The following AUH variants were observed in gnomAD, a reference collection of about 807,000 sequenced individuals.
The protein encoded by AUH is methylglutaconyl-CoA hydratase, mitochondrial.
In AUH, 29 loss-of-function variants were observed where a neutral mutation model predicts 42.3. That is an observed-to-expected ratio of 0.69 (90% CI 0.51 to 0.93). The LOEUF (loss-of-function observed/expected upper bound fraction) is 0.93, where lower values mean the gene tolerates loss of function less well. AUH is among the 40% of genes least tolerant of loss of function. The pLI is 0.00. For missense variants in AUH, 452 were observed against 438.1 expected, an observed-to-expected ratio of 1.03 and a Z score of -0.28; for synonymous variants, 174 against 166.4, an observed-to-expected ratio of 1.05 and a Z score of -0.35.
intron 5 of AUH, among the ~76,000 whole-genome samples, chr9:91,297,211 T>C (rs1487937841): frequency 6.6e-6 from 1 of 152,216 alleles, no homozygotes; most frequent in African/African-American, 2.4e-5. Context: ...GGGGCTTCTC[T>C]CCCTTCTCCA....
chr9:91,220,667 GT>G, intron 7 of AUH, 137 bp downstream of exon 7: 1 of 835,778 alleles, frequency 1.2e-6, no homozygotes, highest in Non-Finnish European at 1.9e-6. Flanking sequence ...AACTGCTCTA[GT>G]TTTACAGAGC....
chr9:91,221,664 G>A (rs987493381), intron 6 of AUH, among the ~76,000 whole-genome samples: 4 of 152,138 alleles, frequency 2.6e-5, no homozygotes, highest in Non-Finnish European at 4.4e-5. Context: ...TGGTTTTGAC[G>A]TTGTCACTTA....
chr9:91,275,559 T>C (rs1457349073), intron 6 of AUH, among the ~76,000 whole-genome samples: 1 of 152,188 alleles, frequency 6.6e-6, no homozygotes, highest in Non-Finnish European at 1.5e-5. Context: ...GATAATTAAA[T>C]AAGTGTTCTC....
intron 1 of AUH, chr9:91,357,403 T>G: frequency 1.3e-6 from 1 of 742,682 alleles, no homozygotes; most frequent in Non-Finnish European, 1.6e-6. Context: ...GTTACACTGT[T>G]CAAGCTTCAG....
chr9:91,343,948 T>C (rs1028120888), intron 3 of AUH, among the ~76,000 whole-genome samples: 7 of 152,310 alleles, frequency 4.6e-5, no homozygotes, highest in South Asian at 2.1e-4. Flanking sequence ...AACTGACTGA[T>C]GGACCCTCCC....
intron 3 of AUH, among the ~76,000 whole-genome samples, chr9:91,351,940 T>C (rs546402275): frequency 1.6e-4 from 25 of 152,278 alleles, no homozygotes; most frequent in African/African-American, 5.8e-4. Flanking sequence ...TAAGTATTTA[T>C]ATGTACCTAA....
chr9:91,240,455 A>C (rs1828449537), intron 6 of AUH, among the ~76,000 whole-genome samples: 2 of 152,092 alleles, frequency 1.3e-5, no homozygotes, highest in African/African-American at 2.4e-5. Flanking sequence ...TTCAGCGTGG[A>C]TCTTGAACAG....
Position 91,361,871 on chromosome 9 carries a change from C to G in AUH, c.19G>C (p.Ala7Pro). MAAAVA[A>P]APGALGSLHA... Reference sequence around the variant, plus strand: ...AGGGATCCCAAGGCCCCAGGTGCCGCCGCCACCGCGGCCGCCATGTTGTCT... The same window carrying G: ...AGGGATCCCAAGGCCCCAGGTGCCGGCGCCACCGCGGCCGCCATGTTGTCT... Residue 7 changes from alanine (A) to proline (P), a missense_variant, in exon 1 of 10, where the codon GCG becomes CCG. Coordinates refer to ENST00000375731, the MANE Select transcript of AUH (RefSeq NM_001698.3). The G allele has an allele frequency of 6.8e-7, 1 of 1,469,540 alleles. No individual in the cohort carries two copies. The highest frequency in any genetic ancestry group is 1.3e-5 in the South Asian group (1 of 76,690). The allele number at this position is 1,469,540 out of a possible 1,614,324, so 91.0% of individuals were successfully genotyped here.
chr9:91,274,071 C>T (rs555257532), intron 6 of AUH, among the ~76,000 whole-genome samples: 41 of 152,076 alleles, frequency 2.7e-4, no homozygotes, highest in Non-Finnish European at 4.1e-4. Context: ...TGAAACTGTG[C>T]CTATTGAAAA....
intron 8 of AUH, 88 bp downstream of exon 8, chr9:91,217,187 TAA>T: frequency 1.5e-6 from 2 of 1,374,818 alleles, no homozygotes; most frequent in Non-Finnish European, 2.0e-6. Context: ...TTTAGAACTT[TAA>T]AAAAAATGTA....
chr9:91,238,570 A>T (rs545319896), intron 6 of AUH, among the ~76,000 whole-genome samples: 3 of 152,274 alleles, frequency 2.0e-5, no homozygotes, highest in Non-Finnish European at 4.4e-5. Context: ...AACTGTTTTC[A>T]TCATGCAACA....
intron 6 of AUH, among the ~76,000 whole-genome samples, chr9:91,227,352 T>C (rs1827568029): frequency 8.2e-6 from 1 of 122,406 alleles, no homozygotes; most frequent in Non-Finnish European, 1.8e-5. Context: ...GGCTCTCTGT[T>C]TGTCTGTTGT....
intron 3 of AUH, among the ~76,000 whole-genome samples, chr9:91,327,738 C>G (rs1830054836): frequency 2.0e-5 from 3 of 152,216 alleles, no homozygotes; most frequent in African/African-American, 2.4e-5. Context: ...CTGTAACATG[C>G]TCCCGCTAGC....
At chr9:91,297,731 T>C (rs1827462043) in intron 5 of AUH, among the ~76,000 whole-genome samples, 1 of 152,022 alleles carries the variant, frequency 6.6e-6, no homozygotes, top group Non-Finnish European at 1.5e-5. Flanking sequence ...GTGCTGGGAT[T>C]AGAGGTGCAA....
At chr9:91,361,592 C>T (rs1450902167) in intron 1 of AUH, 36 bp downstream of exon 1, 1 of 1,561,316 alleles carries the variant, frequency 6.4e-7, no homozygotes, top group Non-Finnish European at 8.7e-7. Flanking sequence ...GAGCGGCCGC[C>T]CGCTGCCCCG....
intron 3 of AUH, chr9:91,342,808 GAAC>G (rs1831205159): frequency 2.6e-5 from 4 of 152,250 alleles, no homozygotes; most frequent in Middle Eastern, 6.6e-3. Flanking sequence ...GCTGACCTTT[GAAC>G]AACATCAGGT....
At chr9:91,225,228 T>G (rs1393208716) in intron 6 of AUH, among the ~76,000 whole-genome samples, 1 of 152,230 alleles carries the variant, frequency 6.6e-6, no homozygotes, top group African/African-American at 2.4e-5. Flanking sequence ...CATAGCTCAC[T>G]GTAGCATCCA....
intron 6 of AUH, among the ~76,000 whole-genome samples, chr9:91,227,711 T>C (rs1244036712): frequency 6.6e-6 from 1 of 151,026 alleles, no homozygotes; most frequent in Non-Finnish European, 1.5e-5. Flanking sequence ...GCTCTTATTA[T>C]TTTGAAATAT....
intron 3 of AUH, among the ~76,000 whole-genome samples, chr9:91,326,130 C>A (rs1332460229): frequency 2.0e-5 from 3 of 151,962 alleles, no homozygotes; most frequent in Non-Finnish European, 4.4e-5. Flanking sequence ...AAGATGGGTC[C>A]CCAATTAAAC....
Sources: allele counts gnomAD v4.1 joint callset (sites outside exome capture counted in the v4.1 genomes callset), GRCh38; gene constraint gnomAD v4.1.1; transcripts MANE v1.5; gene names NCBI Gene and HGNC (gene_info 2026-07-23, HGNC 2026-07-21).